The following PCNX1 variants were observed in gnomAD, a reference collection of about 807,000 sequenced individuals.
PCNX1 encodes pecanex-like protein 1.
PCNX1 carries 78 observed loss-of-function variants against 242.2 expected under a neutral mutation model. The observed-to-expected ratio is 0.32, with a 90% CI of 0.27 to 0.39. The LOEUF (loss-of-function observed/expected upper bound fraction) is 0.39, where lower values mean the gene tolerates loss of function less well. PCNX1 is among the 10% of genes least tolerant of loss of function. The probability of loss-of-function intolerance (pLI) is 1.00; values close to 1 mark genes in which losing one functional copy is unlikely to be tolerated. For synonymous variants in PCNX1, 1,024 were observed against 1,032.9 expected (o/e 0.99, Z 0.17); for missense variants, 2,581 against 2,856.5 (o/e 0.90, Z 2.20).
chr14:71,094,877 GCTATGATTGCATCACTGCA>G lies in PCNX1; in HGVS notation c.5589+5538_5589+5556del, dbSNP rs551509505. Among the ~76,000 whole-genome samples the G allele has an allele frequency of 2.3e-3, 355 of 152,232 alleles. 1 individual carries two copies. Among genetic ancestry groups the G allele is most frequent in the African/African-American group, 8.0e-3 (332 of 41,498 alleles). On this transcript the variant is annotated intron_variant, in intron 30 of 35. Transcript: ENST00000304743. ...GTCCAAGAGTTTGAGGTTACAGTGAGCTATGATTGCATCACTGCACTCCAGCCTGAGCGACAGACCAAGA... is the reference window on the plus strand; with the variant it reads ...GTCCAAGAGTTTGAGGTTACAGTGAGCTCCAGCCTGAGCGACAGACCAAGA...
intron 1 of PCNX1, among the ~76,000 whole-genome samples, chr14:70,937,670 GA>G (rs1245883341): frequency 6.6e-6 from 1 of 152,192 alleles, no homozygotes; most frequent in African/African-American, 2.4e-5. Flanking sequence ...AATCTGTGAA[GA>G]AAGTCATTGG....
chr14:71,033,432 T>G lies in PCNX1; in HGVS notation c.3562T>G (p.Ser1188Ala). ...TGTTAAATTCATTTTTCCGCAGGAT[T>G]CTTGGGATGGCCAGCATATTCCAGT... The part of the protein sequence containing the change: ...YGLCYGALKD[S>A]WDGQHIPVLF... Residue 1188 changes from serine to alanine, a missense_variant, in exon 17 of 36, where the codon TCT becomes GCT. By Grantham distance (99) the Ser-to-Ala change is moderately conservative. This residue lies in a region of PCNX1 where 432 missense variants were observed against 443.1 expected (regional missense o/e 0.97). Transcript: ENST00000304743. 6.5e-7 allele frequency: 1 copy of G among 1,547,146 alleles called. No homozygotes were observed. The highest frequency in any genetic ancestry group is 1.1e-5 in the South Asian group (1 of 88,832).
chr14:71,084,281 G>C (rs896562883), intron 28 of PCNX1, among the ~76,000 whole-genome samples: 1 of 152,200 alleles, frequency 6.6e-6, no homozygotes, highest in African/African-American at 2.4e-5. Flanking sequence ...TGAGGTGTCT[G>C]TCGACCCCTG....
At chr14:71,009,851 TAAAA>T (rs1482795378) in intron 9 of PCNX1, 127 bp downstream of exon 9, 4 of 465,340 alleles carry the variant, frequency 8.6e-6, no homozygotes, top group Admixed American at 7.5e-5. Context: ...AATTGACAAA[TAAAA>T]ATCATAAATA....
At chr14:71,105,665 C>A (rs1322297040) in intron 33 of PCNX1, among the ~76,000 whole-genome samples, 2 of 151,412 alleles carry the variant, frequency 1.3e-5, no homozygotes, top group Admixed American at 1.3e-4. Context: ...GCCTCAGCCT[C>A]CTGAGTAGCT....
chr14:70,981,974 A>G (rs1177197862), intron 6 of PCNX1, among the ~76,000 whole-genome samples: 1 of 152,186 alleles, frequency 6.6e-6, no homozygotes, highest in Non-Finnish European at 1.5e-5. Flanking sequence ...TTTTAAATAT[A>G]ATGTTTGAGT....
In PCNX1 at chr14:71,054,943, A is replaced by C. The variant is rs77403200; in HGVS notation, c.4578-561A>C. On this transcript the variant is annotated intron_variant, in intron 24 of 35. Coordinates refer to ENST00000304743, the MANE Select transcript of PCNX1 (RefSeq NM_014982.3). ...GGTGCTGCTGCCTTGATTAATGCCC[A>C]GGCACCACAGTCTTACCTACCATTG... 9.8e-5 allele frequency among the ~76,000 whole-genome samples: 15 copies of C among 152,312 alleles called. No homozygotes were observed. The East Asian group carries it at 2.7e-3, about 27-fold the overall frequency.
intron 15 of PCNX1, 136 bp downstream of exon 15, chr14:71,027,018 T>C: frequency 1.0e-5 from 5 of 480,796 alleles, no homozygotes; most frequent in Non-Finnish European, 1.8e-5. Context: ...ATTAAGTGAT[T>C]GAAGACTGAG....
chr14:70,918,979 C>G (rs1199724842), intron 1 of PCNX1, among the ~76,000 whole-genome samples: 23 of 151,546 alleles, frequency 1.5e-4, no homozygotes, highest in Admixed American at 1.3e-3. Flanking sequence ...CTCATAGGCT[C>G]AGTGGATCCT....
At position 70,977,237 on chromosome 14, in the gene PCNX1, T is replaced by G; in HGVS notation, c.900T>G (p.Asp300Glu). 1.2e-6 allele frequency: 2 copies of G among 1,614,184 alleles called. No individual in the cohort carries two copies. Among genetic ancestry groups the G allele is most frequent in the Non-Finnish European group, 1.7e-6 (2 of 1,179,994 alleles). ...AVAFPDTSLN[D>E]FPLYQQRRGL... ...CTTTTCCAGACACTTCACTGAATGA[T>G]TTTCCCCTTTATCAGCAAAGACGTG... The change falls in exon 6 of 36, where the codon GAT (aspartate) becomes GAG (glutamate). Residue 300 changes from aspartate (D) to glutamate (E), a missense_variant. By Grantham distance (45) the Asp-to-Glu change is conservative. This residue lies in a region of PCNX1 where 1,204 missense variants were observed against 1,216.7 expected (regional missense o/e 0.99). Coordinates refer to ENST00000304743, the MANE Select transcript of PCNX1 (RefSeq NM_014982.3).
chr14:71,097,931 T>C (rs2062339338), intron 30 of PCNX1, among the ~76,000 whole-genome samples: 1 of 152,238 alleles, frequency 6.6e-6, no homozygotes, highest in Non-Finnish European at 1.5e-5. Context: ...TTTAAATCTT[T>C]AATCCATTCC....
intron 10 of PCNX1, chr14:71,012,246 A>G (rs565870601): frequency 3.3e-5 from 5 of 153,050 alleles, no homozygotes; most frequent in South Asian, 2.1e-4. Flanking sequence ...ATCAGATCCA[A>G]TGCAGTGGGG....
At chr14:71,053,381 C>A in intron 24 of PCNX1, 2 of 419,022 alleles carry the variant, frequency 4.8e-6, no homozygotes, top group Non-Finnish European at 9.3e-6. Flanking sequence ...GCAATGGCGC[C>A]ATCTTGATTC....
chr14:70,977,991 C>T lies in PCNX1; in HGVS notation c.1654C>T (p.Arg552Trp), dbSNP rs766844016. The T allele has an allele frequency of 9.3e-6, 15 of 1,614,132 alleles. No homozygotes were observed. The highest frequency in any genetic ancestry group is 1.3e-5 in the African/African-American group (1 of 75,024). ...ACCTAAATCTTCTAGCGTAATCCAT[C>T]GGACAGCTTCTGCCCACAAGTCAGG... is the stretch of plus-strand genomic sequence containing the variant. ...VRPKSSSVIH[R>W]TASAHKSGRR... The change falls in exon 6 of 36, where the codon CGG (arginine) becomes TGG (tryptophan). Residue 552 changes from arginine (R) to tryptophan (W), a missense_variant. This residue lies in a region of PCNX1 where 1,204 missense variants were observed against 1,216.7 expected (regional missense o/e 0.99). Coordinates refer to ENST00000304743, the MANE Select transcript of PCNX1 (RefSeq NM_014982.3).
chr14:70,999,488 C>T (rs527880793), intron 8 of PCNX1, among the ~76,000 whole-genome samples: 11 of 152,178 alleles, frequency 7.2e-5, no homozygotes, highest in East Asian at 1.9e-4. Flanking sequence ...TTTATCAAGA[C>T]GTAATTACAA....
rs1439908325 is a variant in PCNX1 at position 71,102,126 on chromosome 14, C to T, written c.5726C>T (p.Ser1909Phe). 6.2e-7 allele frequency: 1 copy of T among 1,613,976 alleles called. No homozygotes were observed. ...WRSAVLANSPSLLALRHVMDD... is the reference protein window; with the variant it reads ...WRSAVLANSPFLLALRHVMDD... ...AGTGCAGTACTTGCCAACTCTCCCTCCTTGCTTGCTCTGCGGCATGTCATG... is the reference window on the plus strand; with the variant it reads ...AGTGCAGTACTTGCCAACTCTCCCTTCTTGCTTGCTCTGCGGCATGTCATG... The change falls in exon 31 of 36, where the codon TCC becomes TTC. Residue 1909 changes from serine (S) to phenylalanine (F), a missense_variant. By Grantham distance (155) the Ser-to-Phe change is radical. Transcript: ENST00000304743.
At chr14:70,940,339 C>G (rs1018303141) in intron 1 of PCNX1, among the ~76,000 whole-genome samples, 1 of 152,172 alleles carries the variant, frequency 6.6e-6, no homozygotes. Context: ...CAAAATCTCT[C>G]AGCATTTGCT....
intron 5 of PCNX1, among the ~76,000 whole-genome samples, chr14:70,974,077 T>A (rs75038766): frequency 1.3e-5 from 2 of 151,654 alleles, no homozygotes; most frequent in Non-Finnish European, 2.9e-5. Flanking sequence ...TTTTTTTTTT[T>A]AATGTGTCTG....
chr14:71,109,995 G>A lies in PCNX1; in HGVS notation c.*60G>A, dbSNP rs1038581856. On this transcript the variant is annotated 3_prime_UTR_variant, in exon 36 of 36. Coordinates refer to ENST00000304743, the MANE Select transcript of PCNX1 (RefSeq NM_014982.3). ...TCTCAATTCCAAGGCATTGGAAAAA[G>A]AGAGGAACAAGCAGAAGATGCCTGC... 12 of 1,475,448 alleles carry A rather than the reference G, an allele frequency of 8.1e-6. No homozygotes were observed. The highest frequency in any genetic ancestry group is 1.0e-5 in the Non-Finnish European group (11 of 1,055,044). 91.4% of individuals were successfully genotyped at this position (1,475,448 alleles called of 1,614,324 possible).
Sources: gnomAD v4.1 joint callset for allele counts (sites outside exome capture counted in the v4.1 genomes callset) on GRCh38, gnomAD v4.1.1 for gene constraint, gnomAD v4.1.1 regional missense constraint, MANE v1.5 for transcripts, NCBI Gene and HGNC (gene_info 2026-07-23, HGNC 2026-07-21) for gene names.